Variants in LMAN2L observed in about 807,000 individuals in gnomAD.
LMAN2L encodes lectin, mannose binding 2 like, also known as VIP36-like protein.
LMAN2L carries 30 observed loss-of-function variants against 44.3 expected under a neutral mutation model. That is an observed-to-expected ratio of 0.68 (90% confidence interval 0.51 to 0.92). The LOEUF (loss-of-function observed/expected upper bound fraction) is 0.92. LMAN2L is among the 40% of genes least tolerant of loss of function. The probability of loss-of-function intolerance (pLI) is 0.00; values close to 1 mark genes in which losing one functional copy is unlikely to be tolerated. For synonymous variants in LMAN2L, 183 were observed against 171.1 expected (o/e 1.07, Z -0.54); for missense variants, 429 against 446.1 (o/e 0.96, Z 0.35).
intron 4 of LMAN2L, among the ~76,000 whole-genome samples, chr2:96,714,762 A>C (rs2153323260): frequency 6.6e-6 from 1 of 152,300 alleles, no homozygotes; most frequent in East Asian, 1.9e-4. Context: ...AAGAGACAGC[A>C]ATCCTTAGCC....
At chr2:96,734,382 C>CA in intron 3 of LMAN2L, 27 bp downstream of exon 3, 1 of 1,389,394 alleles carries the variant, frequency 7.2e-7, no homozygotes, top group Non-Finnish European at 1.0e-6. Flanking sequence ...GTCACACCCA[C>CA]ACAAGAGTAA....
At chr2:96,709,318 T>A (rs1305087395) in intron 6 of LMAN2L, among the ~76,000 whole-genome samples, 1 of 152,202 alleles carries the variant, frequency 6.6e-6, no homozygotes, top group Non-Finnish European at 1.5e-5. Flanking sequence ...ACCCAGAAGT[T>A]TTTTATAACT....
intron 4 of LMAN2L, among the ~76,000 whole-genome samples, chr2:96,725,063 C>T (rs576908242): frequency 6.6e-6 from 1 of 151,948 alleles, no homozygotes; most frequent in Non-Finnish European, 1.5e-5. Flanking sequence ...GATCTCCTGA[C>T]CTCGTGATCC....
intron 4 of LMAN2L, among the ~76,000 whole-genome samples, chr2:96,725,063 C>A (rs576908242): frequency 6.6e-5 from 10 of 152,066 alleles, no homozygotes; most frequent in African/African-American, 2.4e-4. Flanking sequence ...GATCTCCTGA[C>A]CTCGTGATCC....
chr2:96,722,928 G>A (rs928676741), intron 4 of LMAN2L, among the ~76,000 whole-genome samples: 1 of 152,096 alleles, frequency 6.6e-6, no homozygotes, highest in Non-Finnish European at 1.5e-5. Context: ...TCTGAAGCAG[G>A]GGAATCACTT....
At position 96,711,856 on chromosome 2, in the gene LMAN2L, ACT is replaced by A. The variant is rs1431203800; in HGVS notation, c.669+6_669+7del. ...CACCACCATCTGGTCCAGGACAAGG[ACT>A]CTCACCGTCAAATGCCTCTTGACGT... On this transcript the variant is annotated splice_donor_region_variant and intron_variant, in intron 5 of 7. Transcript: ENST00000264963. The A allele has an allele frequency of 1.9e-6, 3 of 1,613,958 alleles. No homozygotes were observed. The highest frequency in any genetic ancestry group is 2.5e-6 in the Non-Finnish European group (3 of 1,180,000).
At position 96,707,698 on chromosome 2, in the gene LMAN2L, G is replaced by A. The variant is rs369496712; in HGVS notation, c.904+16C>T. 1.9e-4 allele frequency: 299 copies of A among 1,613,378 alleles called. No homozygotes were observed. Among genetic ancestry groups the A allele is most frequent in the Middle Eastern group, 6.6e-4 (4 of 6,074 alleles). ...CCCCAACTATGGGACCATTTCCCGC[G>A]GGCCCCTGTGCTCACTCTCAGGCAG... is the stretch of plus-strand genomic sequence containing the variant. On this transcript the variant is annotated intron_variant, in intron 7 of 7. Transcript: ENST00000264963.
intron 6 of LMAN2L, among the ~76,000 whole-genome samples, chr2:96,709,862 C>T (rs2077874316): frequency 6.6e-6 from 1 of 152,186 alleles, no homozygotes; most frequent in African/African-American, 2.4e-5. Flanking sequence ...TCACTAAAGA[C>T]CTAGGGCAAA....
chr2:96,726,770 C>A (rs552024574), intron 4 of LMAN2L, among the ~76,000 whole-genome samples: 38 of 150,920 alleles, frequency 2.5e-4, no homozygotes, highest in Non-Finnish European at 7.4e-5. Context: ...GGTGACAGAG[C>A]AAGATTCTGT....
intron 4 of LMAN2L, among the ~76,000 whole-genome samples, chr2:96,716,850 A>AT (rs1474203042): frequency 6.6e-6 from 1 of 152,190 alleles, no homozygotes; most frequent in Non-Finnish European, 1.5e-5. Flanking sequence ...CATATGTATT[A>AT]TTTTTTTAAA....
At chr2:96,713,039 A>T in intron 4 of LMAN2L, 1 of 1,400,228 alleles carries the variant, frequency 7.1e-7, no homozygotes, top group Non-Finnish European at 9.9e-7. Flanking sequence ...ATGGACTTGA[A>T]ACAGCAACAA....
chr2:96,710,482 A>G (rs2077890209), intron 6 of LMAN2L, among the ~76,000 whole-genome samples: 1 of 152,136 alleles, frequency 6.6e-6, no homozygotes, highest in Admixed American at 6.5e-5. Context: ...CCTGGCCAAC[A>G]TGGTGAAACC....
chr2:96,735,063 C>G (rs752349793), intron 2 of LMAN2L, among the ~76,000 whole-genome samples: 7 of 152,200 alleles, frequency 4.6e-5, no homozygotes, highest in Non-Finnish European at 7.3e-5. Flanking sequence ...TAGACCTGGC[C>G]CTCTGCCAAG....
intron 4 of LMAN2L, among the ~76,000 whole-genome samples, chr2:96,724,418 A>G (rs1463469397): frequency 6.6e-6 from 1 of 152,242 alleles, no homozygotes; most frequent in Non-Finnish European, 1.5e-5. Flanking sequence ...GAGTACTGCT[A>G]TCTTAACAAT....
At chr2:96,737,062 G>A (rs2078531137) in intron 2 of LMAN2L, 1 of 428,764 alleles carries the variant, frequency 2.3e-6, no homozygotes, top group South Asian at 1.7e-5. Context: ...AAGGATGCCA[G>A]AGTCATGCCC....
intron 6 of LMAN2L, among the ~76,000 whole-genome samples, chr2:96,709,180 C>T (rs1055487505): frequency 1.3e-5 from 2 of 152,040 alleles, no homozygotes; most frequent in African/African-American, 2.4e-5. Context: ...CGTGGCCTCC[C>T]AAAGTGCTGG....
At chr2:96,709,259 T>C (rs867972074) in intron 6 of LMAN2L, among the ~76,000 whole-genome samples, 1 of 152,154 alleles carries the variant, frequency 6.6e-6, no homozygotes, top group African/African-American at 2.4e-5. Flanking sequence ...TCACCTGTCT[T>C]TGTCAAGTAG....
chr2:96,723,467 AT>A (rs539043514), intron 4 of LMAN2L, among the ~76,000 whole-genome samples: 54 of 152,294 alleles, frequency 3.5e-4, no homozygotes, highest in Non-Finnish European at 6.2e-4. Context: ...ATCTTTTCCC[AT>A]TCTGTAGGTT....
chr2:96,735,696 G>A (rs917164798), intron 2 of LMAN2L, among the ~76,000 whole-genome samples: 13 of 152,086 alleles, frequency 8.5e-5, no homozygotes, highest in South Asian at 4.2e-4. Flanking sequence ...AAAATTAGCC[G>A]GTGTGGTGGT....
Sources: gnomAD v4.1 joint callset for allele counts (sites outside exome capture counted in the v4.1 genomes callset) on GRCh38, gnomAD v4.1.1 for gene constraint, MANE v1.5 for transcripts, NCBI Gene and HGNC (gene_info 2026-07-23, HGNC 2026-07-21) for gene names.